The following PIGB variants were observed in gnomAD, a reference collection of about 807,000 sequenced individuals.
The protein encoded by PIGB is phosphatidylinositol glycan anchor biosynthesis class B.
In PIGB, 58 loss-of-function variants were observed where a neutral mutation model predicts 68.4. That is an observed-to-expected ratio of 0.85 (90% CI 0.69 to 1.06). The LOEUF (loss-of-function observed/expected upper bound fraction) is 1.06. Ranked by LOEUF, PIGB falls within the 50% of genes least tolerant of loss-of-function variation. The probability of loss-of-function intolerance (pLI) is 0.00; values close to 1 mark genes in which losing one functional copy is unlikely to be tolerated. For synonymous variants in PIGB, 219 were observed against 220.5 expected (o/e 0.99, Z 0.06); for missense variants, 634 against 655.8 (o/e 0.97, Z 0.36).
chr15:55,347,635 C>G (rs923806943), intron 9 of PIGB, among the ~76,000 whole-genome samples: 6 of 152,096 alleles, frequency 3.9e-5, no homozygotes, highest in Admixed American at 2.0e-4. Context: ...ATCCACTGTC[C>G]CCAAGAAAAC....
intron 9 of PIGB, among the ~76,000 whole-genome samples, chr15:55,348,061 T>A (rs1322554642): frequency 6.9e-6 from 1 of 144,272 alleles, no homozygotes; most frequent in East Asian, 2.3e-4. Context: ...CGATCTCAGC[T>A]CACTGCAACC....
At position 55,332,543 on chromosome 15, in the gene PIGB, T is replaced by G. The variant is rs1332725493; in HGVS notation, c.654-1324T>G. On this transcript the variant is annotated intron_variant, in intron 5 of 11. Transcript: ENST00000164305. ...CTGCCACCACACCCAGCTAATTTTT[T>G]TCTATCTTTAGTAGAGACAGGGTTT... 2.0e-5 allele frequency among the ~76,000 whole-genome samples: 3 copies of G among 152,048 alleles called. No individual in the cohort carries two copies. In the East Asian group the frequency reaches 5.8e-4, roughly 29 times the overall value.
In PIGB at chr15:55,324,449, C is replaced by A. The variant is rs145438915; in HGVS notation, c.417+3059C>A. Among the ~76,000 whole-genome samples the A allele has an allele frequency of 8.6e-3, 1,305 of 152,220 alleles. 11 individuals are homozygous for A. The highest frequency in any genetic ancestry group is 0.02 in the Middle Eastern group (6 of 294). On this transcript the variant is annotated intron_variant, in intron 3 of 11. Transcript: ENST00000164305. Reference sequence around the variant, plus strand: ...GTTCAGAACTCCGCTTATTGTTATGCGAAAGTCTACTTTGTTTTAAATTCA... The same window carrying A: ...GTTCAGAACTCCGCTTATTGTTATGAGAAAGTCTACTTTGTTTTAAATTCA...
intron 3 of PIGB, among the ~76,000 whole-genome samples, chr15:55,326,761 C>T (rs1343219254): frequency 1.3e-5 from 2 of 151,916 alleles, no homozygotes; most frequent in African/African-American, 4.8e-5. Flanking sequence ...GGCGTGAACC[C>T]GGGAGGCGGA....
chr15:55,324,912 T>C, intron 3 of PIGB: 1 of 571,188 alleles, frequency 1.8e-6, no homozygotes, highest in Non-Finnish European at 2.2e-6. Context: ...CCTTTAACTT[T>C]CCAATTTTAG....
intron 5 of PIGB, 34 bp from the exon 6 acceptor site, chr15:55,333,833 C>T (rs903715182): frequency 1.6e-5 from 24 of 1,479,334 alleles, no homozygotes; most frequent in Non-Finnish European, 2.2e-5. Context: ...AAGTTAATTT[C>T]CCACTTGTCT....
At chr15:55,353,825 G>C (rs1460270544) in intron 10 of PIGB, among the ~76,000 whole-genome samples, 3 of 151,782 alleles carry the variant, frequency 2.0e-5, no homozygotes, top group Non-Finnish European at 4.4e-5. Flanking sequence ...GGCTGGTCTT[G>C]AACTCCTGAC....
chr15:55,344,117 T>C (rs529851139), intron 9 of PIGB, among the ~76,000 whole-genome samples: 124 of 152,370 alleles, frequency 8.1e-4, no homozygotes, highest in Non-Finnish European at 1.6e-3. Context: ...CTGTCAGCCA[T>C]TGCTGTGTAA....
intron 6 of PIGB, among the ~76,000 whole-genome samples, chr15:55,338,810 A>G (rs575824824): frequency 2.4e-4 from 37 of 152,280 alleles, no homozygotes; most frequent in African/African-American, 8.7e-4. Context: ...CCCACCAGCA[A>G]CCATGTGAGC....
At chr15:55,326,790 T>A (rs2055297766) in intron 3 of PIGB, among the ~76,000 whole-genome samples, 1 of 152,198 alleles carries the variant, frequency 6.6e-6, no homozygotes, top group South Asian at 2.1e-4. Flanking sequence ...TGAGCCGCGG[T>A]TGCGCCACTG....
intron 4 of PIGB, among the ~76,000 whole-genome samples, chr15:55,328,144 G>C (rs972576855): frequency 1.3e-5 from 2 of 152,208 alleles, no homozygotes; most frequent in African/African-American, 4.8e-5. Context: ...TATTAGGTTG[G>C]TGCAATTACT....
chr15:55,340,626 A>G lies in PIGB; in HGVS notation c.861A>G (p.Gln287=), dbSNP rs747607837. ...AACGGTGCCAGTGGACTCTGGTTCA[A>G]TTTAATTTTTTGAAATTTAACGTGC... ...RIFFGQWTLV[Q]FNFLKFNVLQ... Residue 287 remains glutamine (Q), a synonymous_variant, in exon 8 of 12, where the codon CAA becomes CAG. Coordinates refer to ENST00000164305, the MANE Select transcript of PIGB (RefSeq NM_004855.5). 1.4e-5 allele frequency: 23 copies of G among 1,610,116 alleles called. No individual in the cohort carries two copies. The South Asian group carries it at 1.6e-4, about 11-fold the overall frequency.
intron 7 of PIGB, 170 bp from the exon 8 acceptor site, chr15:55,340,442 C>T (rs1329616670): frequency 5.2e-6 from 2 of 382,750 alleles, no homozygotes; most frequent in Non-Finnish European, 4.4e-6. Context: ...GGCGACAGAG[C>T]AAGACTCCAT....
intron 3 of PIGB, among the ~76,000 whole-genome samples, chr15:55,324,067 T>C (rs1332595930): frequency 6.6e-6 from 1 of 152,188 alleles, no homozygotes; most frequent in African/African-American, 2.4e-5. Flanking sequence ...TTTGTATTTT[T>C]AGTAGAGACG....
intron 6 of PIGB, among the ~76,000 whole-genome samples, chr15:55,336,235 T>C (rs1206811748): frequency 6.6e-6 from 1 of 151,920 alleles, no homozygotes; most frequent in Non-Finnish European, 1.5e-5. Flanking sequence ...ATTTAAAAAT[T>C]GGCCAAGTAT....
At chr15:55,336,625 T>C (rs2055542278) in intron 6 of PIGB, among the ~76,000 whole-genome samples, 2 of 152,328 alleles carry the variant, frequency 1.3e-5, no homozygotes, top group African/African-American at 4.8e-5. Flanking sequence ...ATGGGTACCA[T>C]TTTAAAGTTG....
Position 55,354,798 on chromosome 15 carries a change from C to G in PIGB, c.1338C>G (p.Ser446Arg). The G allele has an allele frequency of 6.3e-7, 1 of 1,598,516 alleles. No individual in the cohort carries two copies. The highest frequency in any genetic ancestry group is 8.5e-7 in the Non-Finnish European group (1 of 1,175,194). Residue 446 changes from serine to arginine, a missense_variant and splice_region_variant, in exon 11 of 12, where the codon AGC becomes AGG. Physicochemically the swap from Ser to Arg is moderately radical, Grantham distance 110. Coordinates refer to ENST00000164305, the MANE Select transcript of PIGB (RefSeq NM_004855.5). ...MMPCHSTPYY[S>R]HVHCPLPMRF... ...ATTATGGTAACTTTTCTTTTCATAG[C>G]CATGTTCACTGCCCACTTCCCATGA...
intron 11 of PIGB, 119 bp downstream of exon 11, chr15:55,355,097 A>C: frequency 4.2e-6 from 4 of 960,720 alleles, no homozygotes; most frequent in Non-Finnish European, 6.2e-6. Context: ...ACATTTCATA[A>C]TTAGTCTTTT....
In PIGB at chr15:55,340,875, C is replaced by T. The variant is rs1451783947; in HGVS notation, c.1058+52C>T. 5 of 1,157,094 alleles carry T rather than the reference C, an allele frequency of 4.3e-6. No homozygotes were observed. In the African/African-American group the frequency reaches 7.9e-5, roughly 18 times the overall value. 71.7% of individuals were successfully genotyped at this position (1,157,094 alleles called of 1,614,324 possible). On this transcript the variant is annotated intron_variant, in intron 8 of 11. Transcript: ENST00000164305. ...AAAATTTTTTATGTTACCAAGAAAT[C>T]AAATTAAATTCTTCAAAAAGTAAAC...
Sources: allele counts gnomAD v4.1 joint callset (sites outside exome capture counted in the v4.1 genomes callset), GRCh38; gene constraint gnomAD v4.1.1; transcripts MANE v1.5; gene names NCBI Gene and HGNC (gene_info 2026-07-23, HGNC 2026-07-21).